SYT14: variants seen among roughly 807,000 people sequenced by gnomAD.
SYT14 encodes the protein synaptotagmin 14.
A neutral mutation model predicts 74.2 loss-of-function variants in SYT14; 32 were observed. The observed-to-expected ratio is 0.43, with a 90% CI of 0.33 to 0.58. The LOEUF is 0.58. Ranked by LOEUF, SYT14 falls within the 20% of genes least tolerant of loss-of-function variation. The pLI is 0.05. For synonymous variants in SYT14, 298 were observed against 337.7 expected (o/e 0.88, Z 1.29); for missense variants, 791 against 981.8 (o/e 0.81, Z 2.60).
At chr1:210,114,971 G>A (rs2102592268) in intron 7 of SYT14, among the ~76,000 whole-genome samples, 1 of 151,236 alleles carries the variant, frequency 6.6e-6, no homozygotes, top group South Asian at 2.1e-4. Flanking sequence ...GGACAGGCAG[G>A]AGGGAAAGAA....
At chr1:210,117,901 C>T (rs1334982953) in intron 7 of SYT14, among the ~76,000 whole-genome samples, 1 of 152,148 alleles carries the variant, frequency 6.6e-6, no homozygotes, top group Non-Finnish European at 1.5e-5. Context: ...GAATAAAGAA[C>T]ATCAAGCACC....
chr1:209,999,825 T>C (rs1236828856), intron 2 of SYT14, among the ~76,000 whole-genome samples: 3 of 152,078 alleles, frequency 2.0e-5, no homozygotes, highest in Admixed American at 6.6e-5. Context: ...AAGGAATAAG[T>C]TCTAATGTTC....
At chr1:210,075,342 GTTTT>G (rs33985042) in intron 5 of SYT14, among the ~76,000 whole-genome samples, 239 of 127,662 alleles carry the variant, frequency 1.9e-3, no homozygotes, top group African/African-American at 6.8e-3. Flanking sequence ...TCGAGGGTTT[GTTTT>G]TTTTTTTTTT....
At chr1:209,958,965 A>C (rs942563869) in intron 2 of SYT14, among the ~76,000 whole-genome samples, 1 of 152,116 alleles carries the variant, frequency 6.6e-6, no homozygotes, top group Non-Finnish European at 1.5e-5. Context: ...TATTGCTGGG[A>C]ATGTAAAATG....
At chr1:209,998,537 A>G (rs2079837989) in intron 2 of SYT14, among the ~76,000 whole-genome samples, 1 of 152,140 alleles carries the variant, frequency 6.6e-6, no homozygotes, top group Admixed American at 6.6e-5. Flanking sequence ...GCAGCATACT[A>G]TCTGACTTCA....
Position 210,001,940 on chromosome 1 carries a change from A to G in SYT14, c.-485-11693A>G, listed in dbSNP as rs1477235544. Among the ~76,000 whole-genome samples, 3 of 152,166 alleles carry G rather than the reference A, an allele frequency of 2.0e-5. No individual in the cohort carries two copies. The East Asian group carries it at 5.8e-4, about 29-fold the overall frequency. Reference sequence around the variant, plus strand: ...CATAGAGAGCCAGATCATGCAGGAAATGAGGAGCCATTGGAAGGTTTTGAC... The same window carrying G: ...CATAGAGAGCCAGATCATGCAGGAAGTGAGGAGCCATTGGAAGGTTTTGAC... On this transcript the variant is annotated intron_variant, in intron 2 of 9. Coordinates refer to ENST00000637265, the Ensembl canonical transcript of SYT14.
intron 5 of SYT14, among the ~76,000 whole-genome samples, chr1:210,069,884 G>T (rs532755713): frequency 1.5e-4 from 22 of 150,268 alleles, no homozygotes; most frequent in African/African-American, 5.1e-4. Context: ...AAAATTTTTT[G>T]ATGGTTTCTG....
At chr1:210,058,639 G>A (rs867648867) in intron 5 of SYT14, among the ~76,000 whole-genome samples, 37 of 152,136 alleles carry the variant, frequency 2.4e-4, no homozygotes, top group Non-Finnish European at 4.3e-4. Flanking sequence ...TGAATTATCT[G>A]CGTAATTTAT....
chr1:210,161,530 T>C (rs1326652596), exon 10 of SYT14: 14 of 453,920 alleles, frequency 3.1e-5, no homozygotes, highest in Non-Finnish European at 5.7e-5. Context: ...TCATATCTAA[T>C]GGTGAAGGGT....
intron 2 of SYT14, among the ~76,000 whole-genome samples, chr1:209,974,596 G>T (rs2102767251): frequency 6.6e-6 from 1 of 152,252 alleles, no homozygotes. Context: ...CCAGTACCAT[G>T]CTGTTTTGGT....
exon 10 of SYT14, chr1:210,165,946 A>G (rs1273937627): frequency 1.3e-5 from 2 of 152,242 alleles, no homozygotes; most frequent in African/African-American, 4.8e-5. Context: ...TCCAAGTGCT[A>G]CAGATGCAGA....
chr1:210,123,833 A>G (rs1456294290), intron 7 of SYT14, among the ~76,000 whole-genome samples: 5 of 152,186 alleles, frequency 3.3e-5, no homozygotes, highest in Admixed American at 1.3e-4. Context: ...TGCAACAGAA[A>G]GGGTCCATAA....
chr1:210,100,071 A>G, exon 7 of SYT14: 1 of 1,614,136 alleles, frequency 6.2e-7, no homozygotes, highest in Non-Finnish European at 8.5e-7. Flanking sequence ...CTGAGCCAGA[A>G]GCTAAATATG....
At chr1:209,954,440 T>C (rs1340780189) in intron 2 of SYT14, among the ~76,000 whole-genome samples, 1 of 152,188 alleles carries the variant, frequency 6.6e-6, no homozygotes, top group Non-Finnish European at 1.5e-5. Flanking sequence ...ATTTTAATTC[T>C]GCATTTAAAA....
chr1:210,073,384 C>T (rs1463803578), intron 5 of SYT14, among the ~76,000 whole-genome samples: 10 of 151,868 alleles, frequency 6.6e-5, no homozygotes, highest in African/African-American at 2.4e-4. Flanking sequence ...CTTCATAATC[C>T]TAAATTGCTA....
chr1:209,965,912 C>T (rs1454233457), intron 2 of SYT14: 1 of 453,940 alleles, frequency 2.2e-6, no homozygotes, highest in Non-Finnish European at 4.4e-6. Flanking sequence ...TTCTCTGTGG[C>T]CAGGCTGGAG....
chr1:210,121,879 T>C lies in SYT14; in HGVS notation c.2034+21418T>C, dbSNP rs567699843. On this transcript the variant is annotated intron_variant, in intron 7 of 9. Coordinates refer to ENST00000637265, the Ensembl canonical transcript of SYT14. Reference sequence around the variant, plus strand: ...AAATATTCTTTAAATAAATGCACTTTTATTATTTTCAGGCATGCGTAGTAA... The same window carrying C: ...AAATATTCTTTAAATAAATGCACTTCTATTATTTTCAGGCATGCGTAGTAA... Among the ~76,000 whole-genome samples, 14 of 152,282 alleles carry C rather than the reference T, an allele frequency of 9.2e-5. No individual in the cohort carries two copies. In the East Asian group the frequency reaches 2.5e-3, roughly 27 times the overall value.
intron 5 of SYT14, among the ~76,000 whole-genome samples, chr1:210,025,692 A>T (rs1384634495): frequency 6.6e-6 from 1 of 152,134 alleles, no homozygotes; most frequent in Non-Finnish European, 1.5e-5. Flanking sequence ...TTTACCAGGT[A>T]GCGAGTACTG....
chr1:209,944,200 GTTTTGTTTTAT>G (rs1418909759), intron 1 of SYT14, among the ~76,000 whole-genome samples: 1 of 152,130 alleles, frequency 6.6e-6, no homozygotes. Flanking sequence ...TAAAAAAAAG[GTTTTGTTTTAT>G]TGTCAGTTGA....
Sources: gnomAD v4.1 joint callset for allele counts (sites outside exome capture counted in the v4.1 genomes callset) on GRCh38, gnomAD v4.1.1 for gene constraint, MANE v1.5 for transcripts, NCBI Gene and HGNC (gene_info 2026-07-23, HGNC 2026-07-21) for gene names.